The following UBE2E2 variants were observed in gnomAD, a reference collection of about 807,000 sequenced individuals.
UBE2E2 encodes the protein ubiquitin conjugating enzyme E2 E2.
Under a neutral mutation model 24.7 loss-of-function variants are expected in UBE2E2, and 6 were observed. The observed-to-expected ratio is 0.24, with a 90% CI of 0.13 to 0.48. The LOEUF (loss-of-function observed/expected upper bound fraction) is 0.48, where lower values mean the gene tolerates loss of function less well. Ranked by LOEUF, UBE2E2 falls within the 20% of genes least tolerant of loss-of-function variation. The pLI, the probability that UBE2E2 is intolerant of heterozygous loss-of-function variation, is 0.99. For missense variants in UBE2E2, 169 were observed against 245.0 expected (o/e 0.69, Z 2.07); for synonymous variants, 104 against 83.6 (o/e 1.24, Z -1.33).
chr3:23,298,153 G>A (rs1053581985), intron 3 of UBE2E2, among the ~76,000 whole-genome samples: 2 of 152,194 alleles, frequency 1.3e-5, no homozygotes, highest in Non-Finnish European at 2.9e-5. Context: ...CTGAGACTTT[G>A]CTGAAGTTGC....
chr3:23,473,975 T>G (rs1170186378), intron 3 of UBE2E2, among the ~76,000 whole-genome samples: 1 of 152,076 alleles, frequency 6.6e-6, no homozygotes, highest in Non-Finnish European at 1.5e-5. Context: ...TTAAGGAACC[T>G]CCACACATTT....
rs1699088834 is a variant in UBE2E2 at position 23,474,608 on chromosome 3, A to G, written c.228-25000A>G. On this transcript the variant is annotated intron_variant, in intron 3 of 5. Transcript: ENST00000396703. The surrounding 1 kb of genome is among the most constrained non-coding windows in gnomAD (Gnocchi z 4.0). ...TTAAGGATCTGAAAAGTTTAAATTTATATATGGTCACATTTACCCTGGTCA... is the reference window on the plus strand; with the variant it reads ...TTAAGGATCTGAAAAGTTTAAATTTGTATATGGTCACATTTACCCTGGTCA... Among the ~76,000 whole-genome samples the G allele has an allele frequency of 6.6e-6, 1 of 152,116 alleles. No individual in the cohort carries two copies. The highest frequency in any genetic ancestry group is 1.5e-5 in the Non-Finnish European group (1 of 68,038).
intron 3 of UBE2E2, among the ~76,000 whole-genome samples, chr3:23,457,471 T>C (rs1452810721): frequency 6.6e-6 from 1 of 152,242 alleles, no homozygotes; most frequent in Non-Finnish European, 1.5e-5. Flanking sequence ...CTTAGCTAGA[T>C]ATTCTGGATA....
intron 3 of UBE2E2, among the ~76,000 whole-genome samples, chr3:23,479,787 C>T (rs1699217514): frequency 6.6e-6 from 1 of 152,144 alleles, no homozygotes; most frequent in Non-Finnish European, 1.5e-5. Context: ...CCTGTAGTGG[C>T]TAGCTCCTTT....
chr3:23,528,001 A>C (rs893310875), intron 4 of UBE2E2, among the ~76,000 whole-genome samples: 1 of 152,198 alleles, frequency 6.6e-6, no homozygotes, highest in Non-Finnish European at 1.5e-5. Flanking sequence ...GGGAACCCCC[A>C]GTTTATAACA....
intron 5 of UBE2E2, among the ~76,000 whole-genome samples, chr3:23,539,551 TTTTCCTTACTTCTG>T (rs1466943015): frequency 1.3e-5 from 2 of 152,218 alleles, no homozygotes; most frequent in African/African-American, 2.4e-5. Flanking sequence ...TTCATGTATC[TTTTCCTTACTTCTG>T]TTTCCTTACT....
At chr3:23,386,821 T>C (rs1490516049) in intron 3 of UBE2E2, among the ~76,000 whole-genome samples, 4 of 152,224 alleles carry the variant, frequency 2.6e-5, no homozygotes, top group African/African-American at 9.6e-5. Flanking sequence ...TCAATACATA[T>C]GGCTTATATT....
At chr3:23,282,226 T>C (rs1323598329) in intron 3 of UBE2E2, among the ~76,000 whole-genome samples, 2 of 152,330 alleles carry the variant, frequency 1.3e-5, no homozygotes, top group East Asian at 3.9e-4. Flanking sequence ...CTGGGAAATT[T>C]TGTTTTGCTA....
At chr3:23,514,772 C>A (rs2125468916) in intron 4 of UBE2E2, among the ~76,000 whole-genome samples, 1 of 151,858 alleles carries the variant, frequency 6.6e-6, no homozygotes, top group Non-Finnish European at 1.5e-5. Flanking sequence ...GGGTTTCATT[C>A]AAACAAAAAG....
intron 3 of UBE2E2, among the ~76,000 whole-genome samples, chr3:23,437,236 ACT>A (rs1440799342): frequency 6.6e-6 from 1 of 151,646 alleles, no homozygotes; most frequent in African/African-American, 2.4e-5. Flanking sequence ...TACATGTCTG[ACT>A]CTCTTTTTTC....
chr3:23,275,261 G>T (rs1221448331), intron 3 of UBE2E2, among the ~76,000 whole-genome samples: 3 of 152,210 alleles, frequency 2.0e-5, no homozygotes, highest in Non-Finnish European at 4.4e-5. Flanking sequence ...AATTATCTTT[G>T]TATAAACATC....
chr3:23,310,459 T>G (rs1694345337), intron 3 of UBE2E2, among the ~76,000 whole-genome samples: 1 of 152,088 alleles, frequency 6.6e-6, no homozygotes, highest in Non-Finnish European at 1.5e-5. Flanking sequence ...TAGACTGAAA[T>G]AGAGAGGGAA....
rs533530714 is a variant in UBE2E2, at chr3:23,295,533, G to GA, written c.227+78228dup. On this transcript the variant is annotated intron_variant, in intron 3 of 5. Transcript: ENST00000396703. ...TGAGTTCAACTTACTATCATGTGGG[G>GA]AAAAAAATGTTTAATGTAATCAGAT... Among the ~76,000 whole-genome samples the GA allele has an allele frequency of 8.8e-4, 134 of 152,144 alleles. 1 individual carries two copies. The highest frequency in any genetic ancestry group is 2.4e-3 in the African/African-American group (98 of 41,538).
intron 3 of UBE2E2, among the ~76,000 whole-genome samples, chr3:23,281,460 G>T (rs886094202): frequency 1.5e-4 from 23 of 152,150 alleles, no homozygotes; most frequent in Admixed American, 2.0e-4. Flanking sequence ...GCAAGAACTT[G>T]TCTCTACAAA....
rs147366662 is a variant in UBE2E2 at position 23,479,446 on chromosome 3, A to G, written c.228-20162A>G. ...CAGCAGAGCCTCAAAAAGGATGTCA[A>G]CAGTCCTAGCTCAGGGAGCCCCTAG... On this transcript the variant is annotated intron_variant, in intron 3 of 5. Transcript: ENST00000396703. Among the ~76,000 whole-genome samples the G allele has an allele frequency of 8.4e-3, 1,274 of 152,288 alleles. 17 individuals carry two copies. Among genetic ancestry groups the G allele is most frequent in the African/African-American group, 0.028 (1,164 of 41,552 alleles).
chr3:23,326,942 C>G (rs534671148), intron 3 of UBE2E2, among the ~76,000 whole-genome samples: 1 of 151,978 alleles, frequency 6.6e-6, no homozygotes, highest in Non-Finnish European at 1.5e-5. Context: ...TCTGTCCTTG[C>G]GATAGTTTGC....
chr3:23,279,351 A>G (rs1575527944), intron 3 of UBE2E2, among the ~76,000 whole-genome samples: 1 of 152,158 alleles, frequency 6.6e-6, no homozygotes, highest in South Asian at 2.1e-4. Flanking sequence ...TTCTGGGGAA[A>G]CTGAAAGCAC....
At chr3:23,215,472 CTTAA>C (rs1460083610) in intron 2 of UBE2E2, among the ~76,000 whole-genome samples, 3 of 152,026 alleles carry the variant, frequency 2.0e-5, no homozygotes, top group African/African-American at 4.8e-5. Flanking sequence ...ATGTCTGATA[CTTAA>C]TTAAAGTTAT....
At chr3:23,516,748 A>G (rs574546918) in intron 4 of UBE2E2, among the ~76,000 whole-genome samples, 8 of 152,274 alleles carry the variant, frequency 5.3e-5, no homozygotes, top group South Asian at 2.1e-4. Context: ...GTATTTTACT[A>G]TGTGACTGTA....
Sources: allele counts gnomAD v4.1 joint callset (sites outside exome capture counted in the v4.1 genomes callset), GRCh38; gene constraint gnomAD v4.1.1; non-coding constraint Gnocchi (gnomAD v3.1); transcripts MANE v1.5; gene names NCBI Gene and HGNC (gene_info 2026-07-23, HGNC 2026-07-21).